The following IFT81 variants were observed in gnomAD, a reference collection of about 807,000 sequenced individuals.
IFT81 encodes the protein intraflagellar transport 81.
In IFT81, 72 loss-of-function variants were observed where a neutral mutation model predicts 102.6. The ratio of observed to expected loss-of-function variants is 0.70; its 90% CI spans 0.58 to 0.85. The LOEUF is 0.85. Among genes scored for constraint, IFT81 ranks in the 40% least tolerant of loss-of-function variants. IFT81 has a pLI of 0.00. For missense variants in IFT81, 723 were observed against 787.3 expected, an observed-to-expected ratio of 0.92 and a Z score of 0.98; for synonymous variants, 237 against 242.7, an observed-to-expected ratio of 0.98 and a Z score of 0.22.
chr12:110,203,580 G>A (rs1049883178), intron 14 of IFT81: 1 of 327,286 alleles, frequency 3.1e-6, no homozygotes, highest in African/African-American at 2.1e-5. Flanking sequence ...TTACTTGTCT[G>A]AACATTACTT....
chr12:110,126,049 TGGGCG>T (rs1269207336), intron 1 of IFT81, among the ~76,000 whole-genome samples: 3 of 151,968 alleles, frequency 2.0e-5, no homozygotes, highest in Admixed American at 6.5e-5. Context: ...GAGGCCAAGG[TGGGCG>T]GATCACGAGG....
chr12:110,196,451 C>T (rs746619657), intron 14 of IFT81, among the ~76,000 whole-genome samples: 5 of 152,128 alleles, frequency 3.3e-5, no homozygotes, highest in Non-Finnish European at 7.4e-5. Context: ...ACCTGGGAGG[C>T]GGAGGTTGCA....
chr12:110,181,376 T>G (rs1228821476), intron 12 of IFT81, among the ~76,000 whole-genome samples: 1 of 152,244 alleles, frequency 6.6e-6, no homozygotes, highest in Non-Finnish European at 1.5e-5. Context: ...TATTGTGATT[T>G]CTTTGACCTT....
chr12:110,161,397 C>T (rs187594590), intron 10 of IFT81, among the ~76,000 whole-genome samples: 36 of 151,908 alleles, frequency 2.4e-4, no homozygotes, highest in African/African-American at 7.5e-4. Context: ...ATCCACCCAC[C>T]GTGGCCTCCC....
intron 14 of IFT81, among the ~76,000 whole-genome samples, chr12:110,196,290 G>A (rs1462974433): frequency 2.0e-5 from 3 of 152,042 alleles, no homozygotes; most frequent in African/African-American, 4.8e-5. Flanking sequence ...AGGCGAAGGC[G>A]GGTGGATCAC....
rs530479080 is a variant in IFT81 at position 110,184,745 on chromosome 12, A to G, written c.1338+4174A>G. 4.6e-5 allele frequency among the ~76,000 whole-genome samples: 7 copies of G among 152,322 alleles called. No homozygotes were observed. In the South Asian group the frequency reaches 6.2e-4, roughly 14 times the overall value. The stretch of plus-strand genomic sequence containing the variant: ...GAGAAAGTTTTGGTCAGGCTGATGG[A>G]GAGTTCCTGAGCCAGTCACCTATTA... On this transcript the variant is annotated intron_variant, in intron 12 of 18. Transcript: ENST00000242591.
At chr12:110,145,307 T>C (rs1053362357) in intron 9 of IFT81, among the ~76,000 whole-genome samples, 1 of 152,042 alleles carries the variant, frequency 6.6e-6, no homozygotes, top group African/African-American at 2.4e-5. Flanking sequence ...TCTCCCAAAG[T>C]GCAGGGATTA....
intron 17 of IFT81, among the ~76,000 whole-genome samples, chr12:110,206,877 T>C (rs1181750272): frequency 6.6e-6 from 1 of 152,074 alleles, no homozygotes; most frequent in Admixed American, 6.6e-5. Flanking sequence ...TAAATCTATA[T>C]GGCCAATGAT....
At chr12:110,204,019 A>G (rs1008018718) in intron 15 of IFT81, 69 bp downstream of exon 15, 2 of 957,098 alleles carry the variant, frequency 2.1e-6, no homozygotes, top group African/African-American at 3.3e-5. Context: ...AGTCCCAGCT[A>G]CTCTGGAGGC....
chr12:110,140,283 A>G (rs1894809649), intron 8 of IFT81, among the ~76,000 whole-genome samples: 1 of 152,140 alleles, frequency 6.6e-6, no homozygotes, highest in African/African-American at 2.4e-5. Context: ...CCCATGCCCT[A>G]AAGTGTATCC....
intron 18 of IFT81, among the ~76,000 whole-genome samples, chr12:110,213,574 T>C (rs2137613814): frequency 1.3e-5 from 2 of 152,344 alleles, no homozygotes; most frequent in South Asian, 4.2e-4. Context: ...GGTAACATTC[T>C]GATTATGTCA....
intron 16 of IFT81, 31 bp from the exon 17 acceptor site, chr12:110,205,564 T>G (rs1868510757): frequency 1.3e-6 from 2 of 1,586,382 alleles, no homozygotes; most frequent in African/African-American, 2.7e-5. Flanking sequence ...TATATCAAAG[T>G]CTTCCCTAAA....
At chr12:110,158,898 A>G (rs1399952488) in intron 10 of IFT81, among the ~76,000 whole-genome samples, 2 of 114,524 alleles carry the variant, frequency 1.7e-5, no homozygotes, top group Non-Finnish European at 3.6e-5. Flanking sequence ...AATTTTTTGT[A>G]TTTTTAGTAG....
chr12:110,137,740 A>AAAAT (rs557508241), intron 8 of IFT81, among the ~76,000 whole-genome samples: 2,835 of 152,084 alleles, frequency 0.019, 39 homozygotes, highest in Non-Finnish European at 0.026. Context: ...TGTCTCAAGA[A>AAAAT]AAATAAATAA....
At chr12:110,164,667 G>T (rs1014247578) in intron 11 of IFT81, among the ~76,000 whole-genome samples, 1 of 152,094 alleles carries the variant, frequency 6.6e-6, no homozygotes, top group Non-Finnish European at 1.5e-5. Context: ...GTGCCTTTTA[G>T]CTTGCTGGGG....
At chr12:110,138,617 G>T (rs1041629257) in intron 8 of IFT81, among the ~76,000 whole-genome samples, 1 of 152,132 alleles carries the variant, frequency 6.6e-6, no homozygotes, top group Non-Finnish European at 1.5e-5. Context: ...GTTTTTAGTA[G>T]AGACGGGGTT....
rs762640373 is a variant in IFT81 at position 110,203,895 on chromosome 12, C to G, written c.1589C>G (p.Ser530Cys). The change falls in exon 15 of 19, where the codon TCC (serine) becomes TGC (cysteine). Residue 530 changes from serine (S) to cysteine (C), a missense_variant. Transcript: ENST00000242591. ...ELTQECDEKK[S>C]QYDSCAAGLE... Reference sequence around the variant, plus strand: ...ACCCAGGAGTGTGATGAAAAGAAATCCCAGTATGATAGCTGTGCAGCAGGC... The same window carrying G: ...ACCCAGGAGTGTGATGAAAAGAAATGCCAGTATGATAGCTGTGCAGCAGGC... 18 of 1,613,258 alleles carry G rather than the reference C, an allele frequency of 1.1e-5. No individual in the cohort carries two copies. In the Admixed American group the frequency reaches 1.2e-4, roughly 10 times the overall value.
At chr12:110,181,633 G>T (rs971174416) in intron 12 of IFT81, among the ~76,000 whole-genome samples, 3 of 152,166 alleles carry the variant, frequency 2.0e-5, no homozygotes, top group African/African-American at 4.8e-5. Context: ...CAGTATGTTA[G>T]CCATGATATT....
intron 11 of IFT81, 35 bp downstream of exon 11, chr12:110,163,100 G>C: frequency 6.3e-7 from 1 of 1,576,288 alleles, no homozygotes; most frequent in African/African-American, 1.4e-5. Context: ...AAGGGTATGA[G>C]TATTGTTTTT....
Sources: gnomAD v4.1 joint callset for allele counts (sites outside exome capture counted in the v4.1 genomes callset) on GRCh38, gnomAD v4.1.1 for gene constraint, MANE v1.5 for transcripts, NCBI Gene and HGNC (gene_info 2026-07-23, HGNC 2026-07-21) for gene names.